The following PPP3CC variants were observed in gnomAD, a reference collection of about 807,000 sequenced individuals.
PPP3CC encodes the protein serine/threonine-protein phosphatase 2B catalytic subunit gamma isoform.
PPP3CC carries 35 observed loss-of-function variants against 60.3 expected under a neutral mutation model. The ratio of observed to expected loss-of-function variants is 0.58; its 90% confidence interval spans 0.44 to 0.77. The LOEUF (loss-of-function observed/expected upper bound fraction) is 0.77, where lower values mean the gene tolerates loss of function less well. PPP3CC is among the 30% of genes least tolerant of loss of function. The probability of loss-of-function intolerance (pLI) is 0.00; values close to 1 mark genes in which losing one functional copy is unlikely to be tolerated. For synonymous variants in PPP3CC, 206 were observed against 224.3 expected (o/e 0.92, Z 0.73); for missense variants, 570 against 628.9 (o/e 0.91, Z 1.00).
intron 1 of PPP3CC, among the ~76,000 whole-genome samples, chr8:22,456,688 A>T (rs944004709): frequency 3.6e-4 from 55 of 152,192 alleles, no homozygotes; most frequent in Non-Finnish European, 1.0e-4. Context: ...TACCAGCACA[A>T]TAAGGGTACT....
chr8:22,478,241 T>G (rs1407461091), intron 3 of PPP3CC, among the ~76,000 whole-genome samples: 1 of 151,718 alleles, frequency 6.6e-6, no homozygotes, highest in African/African-American at 2.4e-5. Context: ...AACCTATGCC[T>G]CCTGGGTTTT....
chr8:22,480,209 A>C (rs115919602), intron 3 of PPP3CC, among the ~76,000 whole-genome samples: 2 of 152,236 alleles, frequency 1.3e-5, no homozygotes, highest in African/African-American at 4.8e-5. Flanking sequence ...TGTTATTTCT[A>C]TTATAGATAG....
At chr8:22,470,014 GATATGGGTGATATATATAAAATAA>G (rs1200395417) in intron 1 of PPP3CC, among the ~76,000 whole-genome samples, 10 of 148,094 alleles carry the variant, frequency 6.8e-5, no homozygotes, top group African/African-American at 1.7e-4. Flanking sequence ...ATATATATAT[GATATGGGTGATATATATAAAATAA>G]ATATGGGTGA....
intron 1 of PPP3CC, among the ~76,000 whole-genome samples, chr8:22,459,892 C>G (rs886898744): frequency 3.3e-5 from 5 of 152,054 alleles, no homozygotes; most frequent in African/African-American, 7.2e-5. Flanking sequence ...ACCATAAACG[C>G]TGACAATTGG....
intron 5 of PPP3CC, among the ~76,000 whole-genome samples, chr8:22,512,795 G>T (rs1028971116): frequency 6.6e-6 from 1 of 152,140 alleles, no homozygotes; most frequent in Non-Finnish European, 1.5e-5. Context: ...ATTTATTGCA[G>T]ACCGGGCGCG....
intron 1 of PPP3CC, among the ~76,000 whole-genome samples, chr8:22,473,527 A>G (rs898599265): frequency 1.3e-5 from 2 of 151,126 alleles, no homozygotes; most frequent in Non-Finnish European, 2.9e-5. Context: ...GCAGTGTCAC[A>G]ATCTCGGCTC....
chr8:22,449,018 G>A (rs1345007508), intron 1 of PPP3CC, among the ~76,000 whole-genome samples: 1 of 152,204 alleles, frequency 6.6e-6, no homozygotes, highest in Non-Finnish European at 1.5e-5. Flanking sequence ...GCTGAAGCGG[G>A]AGGATTGCTT....
At chr8:22,530,829 CAAAAAAAAAAAA>C (rs58626647) in intron 10 of PPP3CC, among the ~76,000 whole-genome samples, 1 of 58,048 alleles carries the variant, frequency 1.7e-5, no homozygotes, top group East Asian at 6.4e-4. Context: ...AGACTCATCT[CAAAAAAAAAAAA>C]AAAAAAAAAA....
intron 12 of PPP3CC, among the ~76,000 whole-genome samples, chr8:22,535,812 ATC>A (rs1210689693): frequency 6.6e-6 from 1 of 152,190 alleles, no homozygotes; most frequent in African/African-American, 2.4e-5. Context: ...CCTCACTGCA[ATC>A]TCCGCCTCCC....
At chr8:22,498,819 G>A (rs1203944969) in intron 4 of PPP3CC, among the ~76,000 whole-genome samples, 4 of 152,132 alleles carry the variant, frequency 2.6e-5, no homozygotes, top group Non-Finnish European at 5.9e-5. Flanking sequence ...GTAAAAATAA[G>A]TTTAATATAA....
Position 22,522,707 on chromosome 8 carries a change from A to G in PPP3CC, c.901A>G (p.Ile301Val), listed in dbSNP as rs765027970. 40 of 1,605,312 alleles carry G rather than the reference A, an allele frequency of 2.5e-5. No homozygotes were observed. Among genetic ancestry groups the G allele is most frequent in the South Asian group, 3.3e-5 (3 of 90,816 alleles). ...QATGFPSLIT[I>V]FSAPNYLDVY... ...CACAGGCTTTCCATCACTTATTACA[A>G]TTTTCTCTGCCCCCAATTACCTAGA... Residue 301 changes from isoleucine (I) to valine (V), a missense_variant, in exon 8 of 14, where the codon ATT (isoleucine) becomes GTT (valine). Transcript: ENST00000240139.
At chr8:22,495,759 A>G (rs1838558703) in intron 3 of PPP3CC, among the ~76,000 whole-genome samples, 2 of 152,034 alleles carry the variant, frequency 1.3e-5, no homozygotes. Context: ...AGGTTTTACC[A>G]TGTTGGCCAG....
intron 1 of PPP3CC, among the ~76,000 whole-genome samples, chr8:22,465,370 ACTT>A (rs949159204): frequency 6.6e-6 from 1 of 152,182 alleles, no homozygotes; most frequent in Non-Finnish European, 1.5e-5. Context: ...AGAAGCCCAA[ACTT>A]TACCATTATG....
chr8:22,475,268 A>C (rs1202686626), intron 2 of PPP3CC, 117 bp downstream of exon 2: 11 of 1,071,140 alleles, frequency 1.0e-5, no homozygotes, highest in Non-Finnish European at 1.3e-5. Context: ...AGAAATTATG[A>C]GACAGTCAGG....
chr8:22,445,558 G>T (rs1026301149), intron 1 of PPP3CC, among the ~76,000 whole-genome samples: 1 of 152,026 alleles, frequency 6.6e-6, no homozygotes, highest in African/African-American at 2.4e-5. Context: ...TAAAGCTTTT[G>T]TTATGCAAAT....
intron 3 of PPP3CC, among the ~76,000 whole-genome samples, chr8:22,484,213 C>T (rs1838156687): frequency 6.6e-6 from 1 of 152,052 alleles, no homozygotes; most frequent in Admixed American, 6.6e-5. Context: ...ACTGAAAAAA[C>T]ATTTGGGTTA....
chr8:22,493,547 C>G (rs1838470443), intron 3 of PPP3CC, among the ~76,000 whole-genome samples: 1 of 151,750 alleles, frequency 6.6e-6, no homozygotes, highest in Non-Finnish European at 1.5e-5. Context: ...CCTTTTTTTA[C>G]TTTTAAAATT....
Position 22,533,029 on chromosome 8 carries a change from G to C in PPP3CC, c.1321+11G>C. 1.3e-6 allele frequency: 2 copies of C among 1,557,562 alleles called. No individual in the cohort carries two copies. Among genetic ancestry groups the C allele is most frequent in the Non-Finnish European group, 1.7e-6 (2 of 1,143,750 alleles). Reference sequence around the variant, plus strand: ...AGACTATCGAGACAGGTGAGTATGAGAGTGCTCCTCCATGGAAGGTGTGCT... The same window carrying C: ...AGACTATCGAGACAGGTGAGTATGACAGTGCTCCTCCATGGAAGGTGTGCT... On this transcript the variant is annotated intron_variant, in intron 12 of 13. Transcript: ENST00000240139.
At chr8:22,498,465 G>A (rs1158000236) in intron 4 of PPP3CC, among the ~76,000 whole-genome samples, 3 of 151,968 alleles carry the variant, frequency 2.0e-5, no homozygotes, top group Non-Finnish European at 4.4e-5. Context: ...TAAAATAAAA[G>A]TGTCCATAAT....
Sources: allele counts gnomAD v4.1 joint callset (sites outside exome capture counted in the v4.1 genomes callset), GRCh38; gene constraint gnomAD v4.1.1; transcripts MANE v1.5; gene names NCBI Gene and HGNC (gene_info 2026-07-23, HGNC 2026-07-21).